Variants in ANKRD30A observed in about 807,000 individuals in gnomAD.
ANKRD30A encodes ankyrin repeat domain 30A, also known as ankyrin repeat domain-containing protein 30A.
In ANKRD30A, 170 loss-of-function variants were observed where a neutral mutation model predicts 166.3. The observed-to-expected ratio is 1.02, with a 90% CI of 0.90 to 1.16. The LOEUF (loss-of-function observed/expected upper bound fraction) is 1.16, where lower values mean the gene tolerates loss of function less well. Ranked by LOEUF, ANKRD30A falls within the 50% of genes most tolerant of loss-of-function variation. The pLI is 0.00. For missense variants in ANKRD30A, 1,630 were observed against 1,518.0 expected, an observed-to-expected ratio of 1.07 and a Z score of -1.23; for synonymous variants, 564 against 508.9, an observed-to-expected ratio of 1.11 and a Z score of -1.46.
At chr10:37,211,355 T>C (rs1306576460) in intron 31 of ANKRD30A, among the ~76,000 whole-genome samples, 5 of 151,992 alleles carry the variant, frequency 3.3e-5, no homozygotes, top group African/African-American at 1.2e-4. Flanking sequence ...CATTGTTCAA[T>C]TCCCACCTAT....
At chr10:37,248,744 A>G in the ANKRD30A span, among the ~76,000 whole-genome samples, 30 of 152,104 alleles carry the variant, frequency 2.0e-4, no homozygotes, top group Admixed American at 1.8e-3. Context: ...AGAGACCACA[A>G]AAGATATAGG....
intron 34 of ANKRD30A, among the ~76,000 whole-genome samples, chr10:37,227,312 A>T (rs1179810977): frequency 6.6e-6 from 1 of 151,984 alleles, no homozygotes; most frequent in Non-Finnish European, 1.5e-5. Flanking sequence ...TTTTAAATAC[A>T]GTATTTGGTG....
intron 33 of ANKRD30A, 44 bp from the exon 34 acceptor site, chr10:37,218,936 C>T (rs1241945283): frequency 1.6e-6 from 2 of 1,262,208 alleles, no homozygotes; most frequent in Non-Finnish European, 2.2e-6. Flanking sequence ...CATGATATGC[C>T]ATTTTATTGA....
chr10:37,198,909 G>A (rs539592003), intron 29 of ANKRD30A, among the ~76,000 whole-genome samples: 2 of 152,120 alleles, frequency 1.3e-5, no homozygotes, highest in African/African-American at 2.4e-5. Flanking sequence ...AAACTTCAAC[G>A]TTATTTTTGG....
intron 31 of ANKRD30A, among the ~76,000 whole-genome samples, chr10:37,208,222 G>C (rs547628988): frequency 6.6e-6 from 1 of 152,180 alleles, no homozygotes; most frequent in African/African-American, 2.4e-5. Context: ...CTTTTCCTGA[G>C]ACCCTTGTCT....
At chr10:37,156,923 A>C (rs1452641066) in intron 13 of ANKRD30A, among the ~76,000 whole-genome samples, 1 of 152,178 alleles carries the variant, frequency 6.6e-6, no homozygotes, top group Non-Finnish European at 1.5e-5. Context: ...TTAGCCTTAA[A>C]ATGGTTAGAC....
chr10:37,204,656 A>G (rs1184694446), intron 31 of ANKRD30A, among the ~76,000 whole-genome samples: 1 of 152,192 alleles, frequency 6.6e-6, no homozygotes, highest in African/African-American at 2.4e-5. Flanking sequence ...CTGCACAGCA[A>G]AAGAAACTAC....
chr10:37,161,854 G>A lies in ANKRD30A; in HGVS notation c.1901-795G>A, dbSNP rs77165091. ...ATTTATTATAGACTAATGATACACC[G>A]AACCAGACGAATTGTAGGAACTGAG... On this transcript the variant is annotated intron_variant, in intron 15 of 35. Transcript: ENST00000361713. Among the ~76,000 whole-genome samples the A allele has an allele frequency of 7.2e-3, 1,089 of 152,222 alleles. 15 individuals are homozygous for A. In the East Asian group the frequency reaches 0.076, roughly 11 times the overall value.
rs573679735 is a variant in ANKRD30A, at chr10:37,136,522, T to C, written c.756-85T>C. 22 of 613,450 alleles carry C rather than the reference T, an allele frequency of 3.6e-5. No homozygotes were observed. The African/African-American group carries it at 4.2e-4, about 12-fold the overall frequency. 38.0% of individuals were successfully genotyped at this position (613,450 alleles called of 1,614,324 possible). ...TTAGTTCTGATATTGTCTGAAATGC[T>C]CTAAGAACTTAATAAATTTGGTAAA... On this transcript the variant is annotated intron_variant, in intron 5 of 35. Transcript: ENST00000361713.
chr10:37,150,354 GTGTC>G (rs1299116100), intron 11 of ANKRD30A, among the ~76,000 whole-genome samples: 2 of 151,942 alleles, frequency 1.3e-5, no homozygotes, highest in Non-Finnish European at 2.9e-5. Flanking sequence ...GTTCCTGTGT[GTGTC>G]TGTTTATGTG....
chr10:37,247,748 G>A, the ANKRD30A span, among the ~76,000 whole-genome samples: 2 of 151,484 alleles, frequency 1.3e-5, no homozygotes, highest in Admixed American at 6.6e-5. Context: ...CGGGCGTGGT[G>A]GCGGGCGCCT....
At chr10:37,152,167 A>G in intron 12 of ANKRD30A, 46 bp downstream of exon 12, 1 of 1,460,350 alleles carries the variant, frequency 6.8e-7, no homozygotes, top group Non-Finnish European at 9.5e-7. Context: ...ATTGCATGAT[A>G]TGAAAACATA....
intron 1 of ANKRD30A, among the ~76,000 whole-genome samples, chr10:37,128,593 G>A (rs942554384): frequency 2.0e-5 from 3 of 151,922 alleles, no homozygotes; most frequent in Admixed American, 6.6e-5. Context: ...TTTATTTATA[G>A]CAGTGTTTTA....
the ANKRD30A span, among the ~76,000 whole-genome samples, chr10:37,240,129 T>C: frequency 2.6e-5 from 4 of 152,152 alleles, no homozygotes; most frequent in African/African-American, 7.2e-5. Context: ...ATGCTAATTA[T>C]TTTTGTACAC....
At chr10:37,149,964 G>C in intron 11 of ANKRD30A, 115 bp downstream of exon 11, 2 of 1,414,198 alleles carry the variant, frequency 1.4e-6, no homozygotes, top group East Asian at 4.8e-5. Context: ...ATTTGATCTA[G>C]ATAATGCCAA....
chr10:37,226,587 A>G (rs1251183739), intron 34 of ANKRD30A, among the ~76,000 whole-genome samples: 1 of 151,656 alleles, frequency 6.6e-6, no homozygotes, highest in African/African-American at 2.4e-5. Flanking sequence ...TTATTTACCC[A>G]CTCATCAGTT....
chr10:37,210,068 C>T (rs962107374), intron 31 of ANKRD30A, among the ~76,000 whole-genome samples: 4 of 152,010 alleles, frequency 2.6e-5, no homozygotes. Context: ...TACCCATCAA[C>T]CCATCATCTA....
At chr10:37,206,467 C>CT (rs755351992) in intron 31 of ANKRD30A, among the ~76,000 whole-genome samples, 133 of 151,914 alleles carry the variant, frequency 8.8e-4, no homozygotes, top group Non-Finnish European at 1.6e-3. Flanking sequence ...AATCCATTGG[C>CT]TTTTTTTTGT....
intron 25 of ANKRD30A, 130 bp from the exon 26 acceptor site, chr10:37,192,934 C>G: frequency 1.4e-6 from 2 of 1,471,850 alleles, no homozygotes; most frequent in South Asian, 2.3e-5. Context: ...CCCAAAAGAC[C>G]CCAAAAGCTA....
Sources: allele counts gnomAD v4.1 joint callset (sites outside exome capture counted in the v4.1 genomes callset), GRCh38; gene constraint gnomAD v4.1.1; transcripts MANE v1.5; gene names NCBI Gene and HGNC (gene_info 2026-07-23, HGNC 2026-07-21).